The following CRISP1 variants were observed in gnomAD, a reference collection of about 807,000 sequenced individuals.
CRISP1 encodes cysteine-rich secretory protein 1.
A neutral mutation model predicts 33.1 loss-of-function variants in CRISP1; 44 were observed. That is an observed-to-expected ratio of 1.33 (90% CI 1.05 to 1.71). The LOEUF is 1.71. Ranked by LOEUF, CRISP1 falls within the 40% of genes most tolerant of loss-of-function variation. The probability of loss-of-function intolerance (pLI) is 0.00; values close to 1 mark genes in which losing one functional copy is unlikely to be tolerated. For missense variants in CRISP1, 390 were observed against 301.2 expected, an observed-to-expected ratio of 1.29 and a Z score of -2.18; for synonymous variants, 103 against 98.7, an observed-to-expected ratio of 1.04 and a Z score of -0.26.
chr6:49,850,475 C>A (rs2127473663), intron 3 of CRISP1, among the ~76,000 whole-genome samples: 1 of 152,000 alleles, frequency 6.6e-6, no homozygotes, highest in African/African-American at 2.4e-5. Flanking sequence ...TACTTAGGTT[C>A]TAATATTGTG....
At chr6:49,853,203 C>T (rs746204909) in intron 2 of CRISP1, among the ~76,000 whole-genome samples, 3 of 152,090 alleles carry the variant, frequency 2.0e-5, no homozygotes, top group South Asian at 2.1e-4. Flanking sequence ...GGACAGGCTG[C>T]GGACCCACAT....
At chr6:49,872,698 A>T (rs1028034247) in intron 1 of CRISP1, among the ~76,000 whole-genome samples, 3 of 152,116 alleles carry the variant, frequency 2.0e-5, no homozygotes, top group Non-Finnish European at 4.4e-5. Context: ...TTTGTCAAAG[A>T]TCAGATAGTT....
At chr6:49,836,242 T>A (rs944889265) in intron 7 of CRISP1, among the ~76,000 whole-genome samples, 1 of 152,184 alleles carries the variant, frequency 6.6e-6, no homozygotes, top group African/African-American at 2.4e-5. Context: ...TGGAAAAATT[T>A]AAATTTTCCC....
intron 2 of CRISP1, among the ~76,000 whole-genome samples, chr6:49,853,837 G>A (rs1342952592): frequency 6.6e-6 from 1 of 152,140 alleles, no homozygotes; most frequent in Non-Finnish European, 1.5e-5. Context: ...AACTTCGGAT[G>A]AGACTGACAA....
At chr6:49,836,414 C>A (rs1770795361) in intron 7 of CRISP1, among the ~76,000 whole-genome samples, 1 of 151,328 alleles carries the variant, frequency 6.6e-6, no homozygotes, top group Non-Finnish European at 1.5e-5. Flanking sequence ...CGGCTCACTG[C>A]AAGCTCTGCC....
rs1018523979 is a variant in CRISP1, at chr6:49,838,432, C to G, written c.622+5G>C. 1.2e-6 allele frequency: 2 copies of G among 1,606,648 alleles called. No homozygotes were observed. Among genetic ancestry groups the G allele is most frequent in the African/African-American group, 2.7e-5 (2 of 74,568 alleles). On this transcript the variant is annotated splice_donor_5th_base_variant and intron_variant, in intron 7 of 7. Coordinates refer to ENST00000335847, the MANE Select transcript of CRISP1 (RefSeq NM_001131.3). ...TGTAAACAAACAGAATGCAAACAAA[C>G]TTACTGCAAAGTTTGTCTTCACAGT...
In CRISP1 at chr6:49,835,205, T is replaced by C. The variant is rs145190140; in HGVS notation, c.*111A>G. ...ATGGGAGTTAAGGTCTCCAGCATGA[T>C]TAAAATCAGTGAAATTTAGCAGAAG... On this transcript the variant is annotated 3_prime_UTR_variant, in exon 8 of 8. Transcript: ENST00000335847. 8 of 1,203,062 alleles carry C rather than the reference T, an allele frequency of 6.6e-6. No individual in the cohort carries two copies. In the African/African-American group the frequency reaches 7.6e-5, roughly 11 times the overall value. 74.5% of individuals were successfully genotyped at this position (1,203,062 alleles called of 1,614,324 possible). A position where few individuals can be genotyped will look rare whatever the true frequency, so the allele number is the denominator to read the frequency against.
chr6:49,867,152 T>C (rs1164478207), upstream of CRISP1, among the ~76,000 whole-genome samples: 1 of 152,038 alleles, frequency 6.6e-6, no homozygotes, highest in Non-Finnish European at 1.5e-5. Context: ...TGTAAAACAC[T>C]AAAAATTCCA....
chr6:49,835,771 T>C (rs1770769641), intron 7 of CRISP1, among the ~76,000 whole-genome samples: 1 of 151,338 alleles, frequency 6.6e-6, no homozygotes, highest in Non-Finnish European at 1.5e-5. Context: ...AAAATATTCA[T>C]AATTTTTTGT....
intron 1 of CRISP1, among the ~76,000 whole-genome samples, chr6:49,875,001 A>G (rs1772004810): frequency 1.3e-5 from 2 of 152,120 alleles, no homozygotes; most frequent in African/African-American, 4.8e-5. Flanking sequence ...AACTGACACA[A>G]GACGAGGATG....
chr6:49,839,272 CAAAAAAAAAAAAA>C (rs60021006), intron 6 of CRISP1, among the ~76,000 whole-genome samples: 15 of 54,868 alleles, frequency 2.7e-4, no homozygotes, highest in South Asian at 1.1e-3. Flanking sequence ...TTCATATCTA[CAAAAAAAAAAAAA>C]AAAAAAAAAA....
upstream of CRISP1, among the ~76,000 whole-genome samples, chr6:49,869,649 T>C (rs894500845): frequency 1.3e-5 from 2 of 152,190 alleles, no homozygotes; most frequent in African/African-American, 4.8e-5. Flanking sequence ...GATGTCAGTA[T>C]AAAGCTGGAA....
chr6:49,862,781 A>G (rs1771686881), intron 1 of CRISP1, among the ~76,000 whole-genome samples: 1 of 151,306 alleles, frequency 6.6e-6, no homozygotes, highest in Non-Finnish European at 1.5e-5. Flanking sequence ...AAATGCGTAC[A>G]CTCAAAGTTA....
chr6:49,846,979 C>T (rs1177166154), intron 4 of CRISP1, among the ~76,000 whole-genome samples: 2 of 152,088 alleles, frequency 1.3e-5, no homozygotes, highest in Non-Finnish European at 2.9e-5. Flanking sequence ...CATAAGAGTG[C>T]TAACAGGGTC....
At chr6:49,864,051 C>T (rs894640609) in intron 1 of CRISP1, among the ~76,000 whole-genome samples, 44 of 152,218 alleles carry the variant, frequency 2.9e-4, no homozygotes, top group Admixed American at 2.4e-3. Flanking sequence ...CACTTGCACC[C>T]CTTTCAGTCT....
intron 1 of CRISP1, among the ~76,000 whole-genome samples, chr6:49,872,371 G>GT (rs1355091672): frequency 1.3e-5 from 2 of 151,898 alleles, no homozygotes; most frequent in African/African-American, 2.4e-5. Context: ...TCTGATGGTA[G>GT]TTTCTTTTGC....
chr6:49,876,773 C>G (rs1481534544), intron 1 of CRISP1, among the ~76,000 whole-genome samples: 3 of 151,992 alleles, frequency 2.0e-5, no homozygotes, highest in Admixed American at 6.6e-5. Context: ...CCCTAACACA[C>G]TAACACAGGA....
At chr6:49,839,464 A>G (rs1770915083) in intron 6 of CRISP1, among the ~76,000 whole-genome samples, 1 of 151,988 alleles carries the variant, frequency 6.6e-6, no homozygotes, top group Admixed American at 6.6e-5. Flanking sequence ...AGGAAAAACA[A>G]AAAAGAAAAG....
At chr6:49,869,930 C>A (rs1030106682), upstream of CRISP1, among the ~76,000 whole-genome samples, 1 of 152,120 alleles carries the variant, frequency 6.6e-6, no homozygotes, top group South Asian at 2.1e-4. Context: ...AGTGCCTGTG[C>A]CGTTTTTGCC....
Sources: allele counts gnomAD v4.1 joint callset (sites outside exome capture counted in the v4.1 genomes callset), GRCh38; gene constraint gnomAD v4.1.1; transcripts MANE v1.5; gene names NCBI Gene and HGNC (gene_info 2026-07-23, HGNC 2026-07-21).